Variants in KIF26B observed in about 807,000 individuals in gnomAD.
KIF26B encodes kinesin family member 26B.
KIF26B carries 63 observed loss-of-function variants against 151.2 expected under a neutral mutation model. The observed-to-expected ratio is 0.42, with a 90% CI of 0.34 to 0.51. The LOEUF (loss-of-function observed/expected upper bound fraction) is 0.51. Among genes scored for constraint, KIF26B ranks in the 20% least tolerant of loss-of-function variants. The pLI, the probability that KIF26B is intolerant of heterozygous loss-of-function variation, is 0.07. For missense variants in KIF26B, 2,813 were observed against 2,913.6 expected (o/e 0.97, Z 0.79); for synonymous variants, 1,357 against 1,262.1 (o/e 1.08, Z -1.59).
At position 245,707,158 on chromosome 1, in the gene KIF26B, C is replaced by T. The variant is rs181538000; in HGVS notation, c.*4552C>T. ...AATTCCTGGAAACTAATTTATCCCT[C>T]CCTAAACAAACACATTCTGCTTTTG... On this transcript the variant is annotated 3_prime_UTR_variant, in exon 15 of 15. Coordinates refer to ENST00000407071, the MANE Select transcript of KIF26B (RefSeq NM_018012.4). The T allele has an allele frequency of 6.6e-5, 10 of 152,304 alleles. No individual in the cohort carries two copies. The East Asian group carries it at 1.7e-3, about 26-fold the overall frequency. The allele number at this position is 152,304 out of a possible 1,614,324, so 9.4% of individuals were successfully genotyped here.
At chr1:245,235,844 GT>G (rs1216892047) in intron 2 of KIF26B, among the ~76,000 whole-genome samples, 1 of 151,968 alleles carries the variant, frequency 6.6e-6, no homozygotes, top group Non-Finnish European at 1.5e-5. Context: ...ATTTGCATAA[GT>G]TTTTGAGTAG....
At chr1:245,381,582 A>G (rs1026214680) in intron 3 of KIF26B, among the ~76,000 whole-genome samples, 1 of 152,172 alleles carries the variant, frequency 6.6e-6, no homozygotes, top group South Asian at 2.1e-4. Flanking sequence ...AATGTGGCCC[A>G]GGGAAGCCGA....
chr1:245,344,491 TC>T (rs1672402955), intron 2 of KIF26B, among the ~76,000 whole-genome samples: 1 of 97,556 alleles, frequency 1.0e-5, no homozygotes, highest in South Asian at 4.3e-4. Flanking sequence ...CTAGACTCCG[TC>T]TCAAAAAAAA....
rs1218966050 is a variant in KIF26B at position 245,167,321 on chromosome 1, T to G, written c.465+10638T>G. The stretch of plus-strand genomic sequence containing the variant: ...GATGTCTGAGGTCTGTATATGCTAA[T>G]TCAGGATTTTTTTTCTGAGCTAACC... On this transcript the variant is annotated intron_variant, in intron 2 of 14. Transcript: ENST00000407071. This position sits in a 1 kb window ranked among gnomAD's most constrained non-coding sequence, Gnocchi z 4.2. Among the ~76,000 whole-genome samples, 1 of 151,568 alleles carries G rather than the reference T, an allele frequency of 6.6e-6. No homozygotes were observed. Among genetic ancestry groups the G allele is most frequent in the Non-Finnish European group, 1.5e-5 (1 of 67,824 alleles).
chr1:245,202,941 C>CAAAAA (rs74163024), intron 2 of KIF26B, among the ~76,000 whole-genome samples: 1 of 134,290 alleles, frequency 7.4e-6, no homozygotes, highest in Non-Finnish European at 1.6e-5. Flanking sequence ...GACTCTGTCT[C>CAAAAA]AAAAAAAACA....
chr1:245,545,799 G>GTC (rs1661729465), intron 5 of KIF26B, among the ~76,000 whole-genome samples: 1 of 69,678 alleles, frequency 1.4e-5, no homozygotes, highest in Non-Finnish European at 3.3e-5. Flanking sequence ...CTTCTCCTAA[G>GTC]TCAGTTCTTC....
rs536756848 is a variant in KIF26B, at chr1:245,567,065, G to A, written c.1350+26115G>A. Reference sequence around the variant, plus strand: ...CCAGGTTCCCAGAGTGGAGAGCCCTGCACCCCAGCCGCGGCCAAGGGTCAG... The same window carrying A: ...CCAGGTTCCCAGAGTGGAGAGCCCTACACCCCAGCCGCGGCCAAGGGTCAG... On this transcript the variant is annotated intron_variant, in intron 5 of 14. Coordinates refer to ENST00000407071, the MANE Select transcript of KIF26B (RefSeq NM_018012.4). Among the ~76,000 whole-genome samples the A allele has an allele frequency of 8.5e-5, 13 of 152,304 alleles. No individual in the cohort carries two copies. The South Asian group carries it at 2.7e-3, about 32-fold the overall frequency.
chr1:245,230,003 C>T (rs1210099921), intron 2 of KIF26B, among the ~76,000 whole-genome samples: 1 of 152,044 alleles, frequency 6.6e-6, no homozygotes, highest in Non-Finnish European at 1.5e-5. Context: ...CGTGGCGGCA[C>T]ATGCCTGTAA....
chr1:245,688,419 G>A lies in KIF26B; in HGVS notation c.5436G>A (p.Leu1812=), dbSNP rs772475579. The change falls in exon 12 of 15, where the codon CTG becomes CTA. Residue 1812 remains leucine, a synonymous_variant. Coordinates refer to ENST00000407071, the MANE Select transcript of KIF26B (RefSeq NM_018012.4). ...RAVSGRISEL[L]QGGAGARGLQ... is the part of the protein sequence containing the mutation. ...TCAGCGGGCGCATCTCGGAGCTGCT[G>A]CAGGGTGGCGCGGGCGCCCGGGGCT... The A allele has an allele frequency of 2.1e-6, 3 of 1,437,600 alleles. No individual in the cohort carries two copies. Among genetic ancestry groups the A allele is most frequent in the Non-Finnish European group, 2.7e-6 (3 of 1,101,926 alleles). 89.1% of individuals were successfully genotyped at this position (1,437,600 alleles called of 1,614,324 possible).
rs773008555 is a variant in KIF26B, at chr1:245,685,687, G to A, written c.2704G>A (p.Asp902Asn). The A allele has an allele frequency of 5.0e-6, 8 of 1,612,948 alleles. No homozygotes were observed. Among genetic ancestry groups the A allele is most frequent in the African/African-American group, 4.0e-5 (3 of 75,060 alleles). Residue 902 changes from aspartate to asparagine, a missense_variant, in exon 12 of 15, where the codon GAC becomes AAC. Physicochemically the swap from Asp to Asn is conservative, Grantham distance 23. This residue lies in a region of KIF26B where 2,060 missense variants were observed against 2,088.6 expected (regional missense o/e 0.99). Transcript: ENST00000407071. ...GCCAGCCCTGCAGAAGACCCGGGGC[G>A]ACAGCCGGCCCGCAGAGGCAGGAGA... The part of the protein sequence containing the change: ...IVPALQKTRG[D>N]SRPAEAGEAA...
At chr1:245,340,518 A>C (rs936903240) in intron 2 of KIF26B, among the ~76,000 whole-genome samples, 3 of 152,014 alleles carry the variant, frequency 2.0e-5, no homozygotes, top group African/African-American at 7.3e-5. Flanking sequence ...GCTTTTCTGC[A>C]GCCCCTGTCC....
At chr1:245,568,184 CAAAAAAAAAAA>C (rs61494632) in intron 5 of KIF26B, among the ~76,000 whole-genome samples, 43 of 28,678 alleles carry the variant, frequency 1.5e-3, no homozygotes, top group African/African-American at 2.4e-3. Flanking sequence ...AACTCCATCT[CAAAAAAAAAAA>C]AAAAAAAAAA....
chr1:245,402,109 G>T (rs1304243003), intron 3 of KIF26B, among the ~76,000 whole-genome samples: 4 of 152,174 alleles, frequency 2.6e-5, no homozygotes, highest in Non-Finnish European at 5.9e-5. Context: ...CCCTCAGCTT[G>T]CAAGCCTGTT....
chr1:245,458,402 G>A (rs1323835363), intron 4 of KIF26B, among the ~76,000 whole-genome samples: 2 of 152,174 alleles, frequency 1.3e-5, no homozygotes, highest in African/African-American at 2.4e-5. Context: ...CCAGATGGTT[G>A]CTCAATGTGT....
intron 2 of KIF26B, among the ~76,000 whole-genome samples, chr1:245,221,608 T>C (rs1032708010): frequency 1.3e-5 from 2 of 152,188 alleles, no homozygotes; most frequent in Non-Finnish European, 2.9e-5. Context: ...TGTTTCACCA[T>C]GTTGGCCAGG....
chr1:245,646,656 A>G (rs373625403), intron 10 of KIF26B, among the ~76,000 whole-genome samples: 83 of 152,314 alleles, frequency 5.4e-4, no homozygotes, highest in African/African-American at 1.5e-3. Flanking sequence ...TAGGGCCACC[A>G]GACTTAACCA....
chr1:245,223,269 G>A (rs1389120882), intron 2 of KIF26B, among the ~76,000 whole-genome samples: 1 of 152,082 alleles, frequency 6.6e-6, no homozygotes, highest in African/African-American at 2.4e-5. Flanking sequence ...GAGAAACCTG[G>A]ATTCACTGGT....
Position 245,485,384 on chromosome 1 carries a change from CA to C in KIF26B, c.1167-55382del, listed in dbSNP as rs1422651953. On this transcript the variant is annotated intron_variant, in intron 4 of 14. Coordinates refer to ENST00000407071, the MANE Select transcript of KIF26B (RefSeq NM_018012.4). Reference sequence around the variant, plus strand: ...AAGTTTTATGCTATATTCCTAGCATCATTTTTTTTTTTTTTTTGAGACAAAG... The same window carrying C: ...AAGTTTTATGCTATATTCCTAGCATCTTTTTTTTTTTTTTTTGAGACAAAG... Among the ~76,000 whole-genome samples the C allele has an allele frequency of 4.8e-5, 3 of 62,594 alleles. No individual in the cohort carries two copies. In the East Asian group the frequency reaches 1.7e-3, roughly 35 times the overall value. 41.1% of individuals were successfully genotyped at this position (62,594 alleles called of 152,430 possible). A position where few individuals can be genotyped will look rare whatever the true frequency, so the allele number is the denominator to read the frequency against.
At chr1:245,339,134 C>A (rs767850020) in intron 2 of KIF26B, among the ~76,000 whole-genome samples, 12 of 152,166 alleles carry the variant, frequency 7.9e-5, no homozygotes, top group East Asian at 1.9e-4. Flanking sequence ...TGTGCCACCA[C>A]GCCTGGCTAA....
Sources: gnomAD v4.1 joint callset for allele counts (sites outside exome capture counted in the v4.1 genomes callset) on GRCh38, gnomAD v4.1.1 for gene constraint, gnomAD v4.1.1 regional missense constraint, Gnocchi (gnomAD v3.1) non-coding constraint, MANE v1.5 for transcripts, NCBI Gene and HGNC (gene_info 2026-07-23, HGNC 2026-07-21) for gene names.